The following CYRIA variants were observed in gnomAD, a reference collection of about 807,000 sequenced individuals.
CYRIA encodes CYFIP-related Rac1 interactor A.
In CYRIA, 15 loss-of-function variants were observed where a neutral mutation model predicts 43.9. That is an observed-to-expected ratio of 0.34 (90% CI 0.23 to 0.53). CYRIA has a LOEUF of 0.53. Ranked by LOEUF, CYRIA falls within the 20% of genes least tolerant of loss-of-function variation. The pLI, the probability that CYRIA is intolerant of heterozygous loss-of-function variation, is 0.94. For synonymous variants in CYRIA, 117 were observed against 136.0 expected (o/e 0.86, Z 0.97); for missense variants, 236 against 394.2 (o/e 0.60, Z 3.40).
At chr2:16,620,996 C>CT (rs1173089974) in intron 2 of CYRIA, among the ~76,000 whole-genome samples, 7 of 152,190 alleles carry the variant, frequency 4.6e-5, no homozygotes, top group African/African-American at 1.7e-4. Flanking sequence ...GACTCCTCCT[C>CT]TGAGCTCCCC....
chr2:16,550,481 A>C lies in CYRIA; in HGVS notation c.*2455T>G, dbSNP rs1666263862. 6.6e-6 allele frequency: 1 copy of C among 152,132 alleles called. No homozygotes were observed. Among genetic ancestry groups the C allele is most frequent in the East Asian group, 1.9e-4 (1 of 5,176 alleles). The allele number at this position is 152,132 out of a possible 1,614,324, so 9.4% of individuals were successfully genotyped here. On this transcript the variant is annotated 3_prime_UTR_variant, in exon 12 of 12. Coordinates refer to ENST00000381323, the MANE Select transcript of CYRIA (RefSeq NM_030797.4). Reference sequence around the variant, plus strand: ...ACCTGTCCTTCCAGTAATCAGAGACAACAATTCAGACCCTGGACTTCTCAG... The same window carrying C: ...ACCTGTCCTTCCAGTAATCAGAGACCACAATTCAGACCCTGGACTTCTCAG...
chr2:16,614,143 T>C (rs1357280250), intron 2 of CYRIA, among the ~76,000 whole-genome samples: 2 of 152,212 alleles, frequency 1.3e-5, no homozygotes, highest in African/African-American at 4.8e-5. Flanking sequence ...AAATTATATT[T>C]TGAGTCAGAA....
chr2:16,606,568 GA>G (rs1668406124), intron 2 of CYRIA, among the ~76,000 whole-genome samples: 2 of 149,716 alleles, frequency 1.3e-5, no homozygotes, highest in Non-Finnish European at 3.0e-5. Flanking sequence ...AAAACAAAAT[GA>G]AAAAGAGGCC....
intron 2 of CYRIA, among the ~76,000 whole-genome samples, chr2:16,611,758 TGGGCGGAG>T (rs1668611083): frequency 9.3e-6 from 1 of 106,960 alleles, no homozygotes; most frequent in African/African-American, 3.6e-5. Context: ...TCACACGTAC[TGGGCGGAG>T]GGGCGGAGGT....
chr2:16,577,202 T>A lies in CYRIA; in HGVS notation c.70+10848A>T, dbSNP rs545336725. ...ATAATAAAAAAGAAAAGAAACATAATCCAATATATTTTGTGAATTCATTTC... is the reference window on the plus strand; with the variant it reads ...ATAATAAAAAAGAAAAGAAACATAAACCAATATATTTTGTGAATTCATTTC... On this transcript the variant is annotated intron_variant, in intron 3 of 11. Transcript: ENST00000381323. Among the ~76,000 whole-genome samples the A allele has an allele frequency of 1.5e-3, 230 of 152,134 alleles. 1 individual carries two copies. Among genetic ancestry groups the A allele is most frequent in the Middle Eastern group, 3.4e-3 (1 of 294 alleles).
chr2:16,665,418 G>A (rs1360218571), intron 1 of CYRIA, among the ~76,000 whole-genome samples: 2 of 151,908 alleles, frequency 1.3e-5, no homozygotes, highest in African/African-American at 4.8e-5. Flanking sequence ...TGGTGGGAAG[G>A]GGAGTGTTAG....
chr2:16,644,049 G>A (rs2103538694), intron 1 of CYRIA, among the ~76,000 whole-genome samples: 1 of 152,290 alleles, frequency 6.6e-6, no homozygotes, highest in Middle Eastern at 3.4e-3. Context: ...TCTCTACCCT[G>A]CTGCCAAGCC....
intron 2 of CYRIA, among the ~76,000 whole-genome samples, chr2:16,605,969 T>C (rs943612287): frequency 6.6e-6 from 1 of 152,174 alleles, no homozygotes; most frequent in Non-Finnish European, 1.5e-5. Flanking sequence ...TTTGTCCATC[T>C]GGCCTTTAAG....
rs1186407214 is a variant in CYRIA at position 16,549,623 on chromosome 2, A to T, written c.*3313T>A. 2.0e-5 allele frequency: 3 copies of T among 152,140 alleles called. No homozygotes were observed. 9.4% of individuals were successfully genotyped at this position (152,140 alleles called of 1,614,324 possible). Reference sequence around the variant, plus strand: ...ATGGCCTTTATAGACGTAGTGAGAAAACTGGGTTCCAAGGTTTTGAACTCT... The same window carrying T: ...ATGGCCTTTATAGACGTAGTGAGAATACTGGGTTCCAAGGTTTTGAACTCT... On this transcript the variant is annotated 3_prime_UTR_variant, in exon 12 of 12. Transcript: ENST00000381323.
At chr2:16,644,155 A>G (rs777504425) in intron 1 of CYRIA, among the ~76,000 whole-genome samples, 2 of 152,212 alleles carry the variant, frequency 1.3e-5, no homozygotes, top group Non-Finnish European at 2.9e-5. Context: ...TGCACCTTAT[A>G]TAGCTGCTGT....
chr2:16,661,574 A>C (rs1370621350), intron 1 of CYRIA, among the ~76,000 whole-genome samples: 1 of 152,232 alleles, frequency 6.6e-6, no homozygotes, highest in Non-Finnish European at 1.5e-5. Context: ...ATAACATCCC[A>C]GCCAACTGCA....
intron 3 of CYRIA, among the ~76,000 whole-genome samples, chr2:16,577,646 T>G (rs1444796800): frequency 1.3e-5 from 2 of 152,092 alleles, no homozygotes; most frequent in African/African-American, 4.8e-5. Context: ...CTTCACACAC[T>G]GTAAAAAGAA....
chr2:16,551,957 T>A lies in CYRIA; in HGVS notation c.*979A>T, dbSNP rs752425578. ...CCTGGGAAATAGAAAACATGGATTT[T>A]TTTTCCCTCTAAATTCCCCTAGTTT... On this transcript the variant is annotated 3_prime_UTR_variant, in exon 12 of 12. Transcript: ENST00000381323. 6.6e-6 allele frequency: 1 copy of A among 152,096 alleles called. No individual in the cohort carries two copies. Among genetic ancestry groups the A allele is most frequent in the Non-Finnish European group, 1.5e-5 (1 of 67,996 alleles). 9.4% of individuals were successfully genotyped at this position (152,096 alleles called of 1,614,324 possible).
intron 6 of CYRIA, 88 bp downstream of exon 6, chr2:16,561,917 C>T: frequency 2.3e-6 from 3 of 1,305,516 alleles, no homozygotes. Flanking sequence ...TTTCTCTACC[C>T]ACCCACCCCA....
chr2:16,603,650 A>C (rs957337843), intron 2 of CYRIA, among the ~76,000 whole-genome samples: 1 of 152,212 alleles, frequency 6.6e-6, no homozygotes. Context: ...GCCATGCAAC[A>C]GTGCCTATCG....
At position 16,650,852 on chromosome 2, in the gene CYRIA, C is replaced by T. The variant is rs902853657; in HGVS notation, c.-167+14928G>A. 1.3e-5 allele frequency among the ~76,000 whole-genome samples: 2 copies of T among 152,222 alleles called. No homozygotes were observed. Among genetic ancestry groups the T allele is most frequent in the Non-Finnish European group, 2.9e-5 (2 of 68,036 alleles). On this transcript the variant is annotated intron_variant, in intron 1 of 11. Coordinates refer to ENST00000381323, the MANE Select transcript of CYRIA (RefSeq NM_030797.4). This position sits in a 1 kb window ranked among gnomAD's most constrained non-coding sequence, Gnocchi z 4.1. ...CAGGACAGAGGCTCACAGGCTTTGACATGAGTGACTAATTCAATTTTTTGC... is the reference window on the plus strand; with the variant it reads ...CAGGACAGAGGCTCACAGGCTTTGATATGAGTGACTAATTCAATTTTTTGC...
chr2:16,617,609 A>G (rs1402981658), intron 2 of CYRIA, among the ~76,000 whole-genome samples: 1 of 152,216 alleles, frequency 6.6e-6, no homozygotes, highest in Non-Finnish European at 1.5e-5. Flanking sequence ...TAGGGTACAC[A>G]CTGAGCCCCT....
intron 11 of CYRIA, 73 bp from the exon 12 acceptor site, chr2:16,553,072 C>T (rs1294024831): frequency 9.8e-6 from 9 of 922,136 alleles, no homozygotes; most frequent in East Asian, 2.4e-5. Context: ...TCTTTACCTT[C>T]GGAAACACAA....
At chr2:16,575,637 C>T (rs1441529130) in intron 3 of CYRIA, among the ~76,000 whole-genome samples, 2 of 151,936 alleles carry the variant, frequency 1.3e-5, no homozygotes, top group Admixed American at 6.6e-5. Flanking sequence ...GGGCGGATCA[C>T]GAGGTCAGGA....
Sources: gnomAD v4.1 joint callset for allele counts (sites outside exome capture counted in the v4.1 genomes callset) on GRCh38, gnomAD v4.1.1 for gene constraint, Gnocchi (gnomAD v3.1) non-coding constraint, MANE v1.5 for transcripts, NCBI Gene and HGNC (gene_info 2026-07-23, HGNC 2026-07-21) for gene names.